Variants in RBPJL observed in about 807,000 individuals in gnomAD.
The protein encoded by RBPJL is recombination signal binding protein for immunoglobulin kappa J region like.
In RBPJL, 50 loss-of-function variants were observed where a neutral mutation model predicts 57.6. The ratio of observed to expected loss-of-function variants is 0.87; its 90% CI spans 0.69 to 1.10. The LOEUF is 1.10. RBPJL is among the 50% of genes least tolerant of loss of function. The probability of loss-of-function intolerance (pLI) is 0.00; values close to 1 mark genes in which losing one functional copy is unlikely to be tolerated. For missense variants in RBPJL, 684 were observed against 693.7 expected, an observed-to-expected ratio of 0.99 and a Z score of 0.16; for synonymous variants, 303 against 294.4, an observed-to-expected ratio of 1.03 and a Z score of -0.30.
intron 6 of RBPJL, among the ~76,000 whole-genome samples, chr20:45,313,210 T>C (rs1378005587): frequency 6.6e-6 from 1 of 151,868 alleles, no homozygotes; most frequent in Non-Finnish European, 1.5e-5. Flanking sequence ...GTCTGGAAAG[T>C]CCAAGGAACC....
At chr20:45,312,980 C>A (rs1987264192) in intron 6 of RBPJL, among the ~76,000 whole-genome samples, 1 of 150,860 alleles carries the variant, frequency 6.6e-6, no homozygotes, top group African/African-American at 2.4e-5. Context: ...GGCAGTCCAG[C>A]CTGGGTGACA....
intron 6 of RBPJL, 66 bp from the exon 7 acceptor site, chr20:45,313,402 A>G: frequency 7.3e-7 from 1 of 1,372,486 alleles, no homozygotes; most frequent in Admixed American, 2.2e-5. Flanking sequence ...TCCTAACCCT[A>G]ACCCTATCCC....
At chr20:45,313,128 T>C (rs1987273261) in intron 6 of RBPJL, among the ~76,000 whole-genome samples, 1 of 152,072 alleles carries the variant, frequency 6.6e-6, no homozygotes, top group Non-Finnish European at 1.5e-5. Flanking sequence ...AGCTGTGAAC[T>C]GGGAATGCCC....
chr20:45,313,279 C>A (rs532735715), intron 6 of RBPJL, among the ~76,000 whole-genome samples, 189 bp from the exon 7 acceptor site: 1 of 151,944 alleles, frequency 6.6e-6, no homozygotes, highest in African/African-American at 2.4e-5. Flanking sequence ...TGACCCCCTC[C>A]CTCACCCTAA....
At chr20:45,307,006 C>G in intron 1 of RBPJL, 62 bp downstream of exon 1, 3 of 1,002,002 alleles carry the variant, frequency 3.0e-6, no homozygotes, top group South Asian at 5.1e-5. Context: ...GGACCACCCC[C>G]CCACCCCCTC....
chr20:45,310,710 T>C (rs1332188205), intron 3 of RBPJL, among the ~76,000 whole-genome samples: 3 of 147,810 alleles, frequency 2.0e-5, no homozygotes, highest in Admixed American at 2.0e-4. Flanking sequence ...GAGGGAGGAG[T>C]TGTAGGAAAC....
Position 45,316,999 on chromosome 20 carries a change from C to T in RBPJL, c.*40C>T. On this transcript the variant is annotated 3_prime_UTR_variant, in exon 12 of 12. Transcript: ENST00000343694. ...CCCGGCTGCCCACCCTGGAGGGCTG[C>T]GCCCGCGCCAGGCGCGGGGACGTGT... 2 of 1,581,332 alleles carry T rather than the reference C, an allele frequency of 1.3e-6. No individual in the cohort carries two copies. The highest frequency in any genetic ancestry group is 1.1e-5 in the South Asian group (1 of 87,740).
At chr20:45,312,161 T>C (rs1284635021) in intron 5 of RBPJL, 60 bp from the exon 6 acceptor site, 1 of 1,609,240 alleles carries the variant, frequency 6.2e-7, no homozygotes, top group African/African-American at 1.3e-5. Context: ...CTGGGAGAGG[T>C]TGGTTCATCC....
intron 2 of RBPJL, chr20:45,308,531 C>A: frequency 2.1e-6 from 1 of 473,578 alleles, no homozygotes; most frequent in Non-Finnish European, 3.9e-6. Flanking sequence ...AGCCACACTC[C>A]ACAGCCGGAA....
Position 45,316,482 on chromosome 20 carries a change from C to T in RBPJL, c.1182C>T (p.Ser394=), listed in dbSNP as rs1356376508. The change falls in exon 11 of 12, where the codon AGC becomes AGT. Residue 394 remains serine (S), a synonymous_variant. Transcript: ENST00000343694. ...CTGGTCCCACCCTCCCCCAGCTGAG[C>T]GGCGGGGGCGACGTGGCCACGCTGG... ...PVPLISTLEL[S]GGGDVATLEL... The T allele has an allele frequency of 6.5e-7, 1 of 1,547,148 alleles. No homozygotes were observed. The highest frequency in any genetic ancestry group is 2.0e-5 in the Admixed American group (1 of 49,170).
intron 3 of RBPJL, among the ~76,000 whole-genome samples, chr20:45,311,006 A>T (rs948194729): frequency 8.6e-5 from 13 of 151,476 alleles, no homozygotes; most frequent in Admixed American, 2.6e-4. Flanking sequence ...TCACCTACTC[A>T]GGAGGCCGAG....
chr20:45,311,796 G>C, intron 4 of RBPJL, 43 bp from the exon 5 acceptor site: 1 of 1,529,296 alleles, frequency 6.5e-7, no homozygotes. Flanking sequence ...TGGCACCTGC[G>C]TCCTCCCGAG....
intron 3 of RBPJL, among the ~76,000 whole-genome samples, chr20:45,310,585 G>A (rs1450060545): frequency 6.6e-6 from 1 of 151,306 alleles, no homozygotes; most frequent in Non-Finnish European, 1.5e-5. Flanking sequence ...CCAGCCTGGC[G>A]ACAGAGCAAG....
At position 45,317,151 on chromosome 20, in the gene RBPJL, A is replaced by C. The variant is rs1468869437; in HGVS notation, c.*192A>C. 9.5e-6 allele frequency: 6 copies of C among 628,572 alleles called. No individual in the cohort carries two copies. The highest frequency in any genetic ancestry group is 1.8e-5 in the African/African-American group (1 of 54,286). The allele number at this position is 628,572 out of a possible 1,614,324, so 38.9% of individuals were successfully genotyped here. On this transcript the variant is annotated 3_prime_UTR_variant, in exon 12 of 12. Coordinates refer to ENST00000343694, the MANE Select transcript of RBPJL (RefSeq NM_014276.4). ...CTCCCTTGTCCTTACACATACAGGA[A>C]GACAAGACCTGAGTGGTGCTGTCTT... is the stretch of plus-strand genomic sequence containing the variant.
chr20:45,309,222 A>C (rs1987008782), intron 2 of RBPJL, among the ~76,000 whole-genome samples: 1 of 152,044 alleles, frequency 6.6e-6, no homozygotes. Context: ...AGGCCAGTAT[A>C]AGTGCAGCCT....
Position 45,316,766 on chromosome 20 carries a change from C to A in RBPJL, c.1361C>A (p.Thr454Lys). 6.2e-7 allele frequency: 1 copy of A among 1,613,870 alleles called. No individual in the cohort carries two copies. Among genetic ancestry groups the A allele is most frequent in the Non-Finnish European group, 8.5e-7 (1 of 1,179,842 alleles). The change falls in exon 12 of 12, where the codon ACA becomes AAA. Residue 454 changes from threonine (T) to lysine (K), a missense_variant. Transcript: ENST00000343694. ...TGGCGCTGGCTGCGCGCTCCCATCA[C>A]AATCCCCATGAGCCTGGTGCGCGCC... Reference protein sequence around the residue: ...SDWRWLRAPITIPMSLVRADG... With the variant: ...SDWRWLRAPIKIPMSLVRADG...
intron 9 of RBPJL, 84 bp from the exon 10 acceptor site, chr20:45,316,103 C>A: frequency 7.1e-7 from 1 of 1,402,808 alleles, no homozygotes; most frequent in Non-Finnish European, 9.9e-7. Flanking sequence ...CGGTCTAACG[C>A]AGAAGCCCAC....
In RBPJL at chr20:45,316,826, C is replaced by T; in HGVS notation, c.1421C>T (p.Thr474Ile). ...TTCTACCCTAGTGCCTTCTCCTTCACCTACACCCCGGAATACAGCGTGCGG... is the reference window on the plus strand; with the variant it reads ...TTCTACCCTAGTGCCTTCTCCTTCATCTACACCCCGGAATACAGCGTGCGG... The part of the protein sequence containing the change: ...GLFYPSAFSF[T>I]YTPEYSVRPG... Residue 474 changes from threonine to isoleucine, a missense_variant, in exon 12 of 12, where the codon ACC becomes ATC. Thr to Ile is a moderately conservative substitution (Grantham distance 89). Transcript: ENST00000343694. The T allele has an allele frequency of 6.2e-7, 1 of 1,613,970 alleles. No individual in the cohort carries two copies.
At position 45,312,215 on chromosome 20, in the gene RBPJL, C is replaced by G. The variant is rs1246860149; in HGVS notation, c.445-6C>G. On this transcript the variant is annotated splice_polypyrimidine_tract_variant and splice_region_variant and intron_variant, in intron 5 of 11. Transcript: ENST00000343694. ...TGAGATGGCCCTGTACCTGTGAGCC[C>G]CCTAGGAATTCGGCTGCGCCAAGAC... The G allele has an allele frequency of 1.4e-5, 23 of 1,614,044 alleles. No individual in the cohort carries two copies. Among genetic ancestry groups the G allele is most frequent in the Non-Finnish European group, 1.9e-5 (22 of 1,179,996 alleles).
Sources: gnomAD v4.1 joint callset for allele counts (sites outside exome capture counted in the v4.1 genomes callset) on GRCh38, gnomAD v4.1.1 for gene constraint, MANE v1.5 for transcripts, NCBI Gene and HGNC (gene_info 2026-07-23, HGNC 2026-07-21) for gene names.